Variants in DTNA observed in about 807,000 individuals in gnomAD.
The protein encoded by DTNA is dystrophin-related protein 3.
DTNA carries 43 observed loss-of-function variants against 100.7 expected under a neutral mutation model. That is an observed-to-expected ratio of 0.43 (90% CI 0.33 to 0.55). The LOEUF is 0.55. Among genes scored for constraint, DTNA ranks in the 20% least tolerant of loss-of-function variants. The pLI is 0.04. For missense variants in DTNA, 798 were observed against 953.9 expected (o/e 0.84, Z 2.15); for synonymous variants, 349 against 347.9 (o/e 1.00, Z -0.04).
chr18:34,848,299 G>GCTTGAGAGT lies in DTNA; in HGVS notation c.1351_1359dup (p.Leu451_Ser453dup), dbSNP rs2036268882. The stretch of plus-strand genomic sequence containing the variant: ...CTTCTTGCTTTGTTCTTAATAGCAT[G>GCTTGAGAGT]CTTGAGAGTTCAAACCGGCTTGATG... On this transcript the variant is annotated inframe_insertion, in exon 14 of 23. Coordinates refer to ENST00000444659, the MANE Select transcript of DTNA (RefSeq NM_001386795.1). The GCTTGAGAGT allele has an allele frequency of 6.2e-7, 1 of 1,613,848 alleles. No homozygotes were observed.
intron 1 of DTNA, among the ~76,000 whole-genome samples, chr18:34,738,731 T>A (rs1480429): frequency 2.6e-5 from 4 of 151,954 alleles, no homozygotes; most frequent in African/African-American, 7.3e-5. Context: ...AATGCCAGTC[T>A]GCTTAGTCAT....
chr18:34,690,237 C>T (rs375908031), intron 1 of DTNA, among the ~76,000 whole-genome samples: 16 of 152,276 alleles, frequency 1.1e-4, no homozygotes, highest in African/African-American at 2.6e-4. Context: ...CCCAAATGGC[C>T]GCCTCATTTT....
At chr18:34,811,758 A>G (rs778126449) in intron 5 of DTNA, among the ~76,000 whole-genome samples, 5 of 152,216 alleles carry the variant, frequency 3.3e-5, no homozygotes, top group Admixed American at 6.5e-5. Flanking sequence ...TGTGATTGCT[A>G]TGTGCCAGAA....
At chr18:34,503,281 T>A (rs1751871426) in intron 1 of DTNA, among the ~76,000 whole-genome samples, 3 of 21,000 alleles carry the variant, frequency 1.4e-4, no homozygotes, top group South Asian at 1.9e-3. Flanking sequence ...ATTGGCTCAT[T>A]TTTTTTTTTT....
At chr18:34,821,524 G>A in intron 9 of DTNA, 1 of 456,408 alleles carries the variant, frequency 2.2e-6, no homozygotes, top group Non-Finnish European at 4.4e-6. Context: ...AGTCCTTCCA[G>A]CCATCCCTGC....
At chr18:34,692,074 A>G (rs139483275) in intron 1 of DTNA, among the ~76,000 whole-genome samples, 6 of 152,336 alleles carry the variant, frequency 3.9e-5, no homozygotes, top group African/African-American at 1.4e-4. Flanking sequence ...TGAATTTTTC[A>G]TCAGAGACAA....
chr18:34,888,522 G>C lies in DTNA; in HGVS notation c.*788G>C. On this transcript the variant is annotated 3_prime_UTR_variant, in exon 23 of 23. Transcript: ENST00000444659. ...ACTCTAATCAGCCATAGAATTTAGT[G>C]TAAATATTTTTTTTTCCAAATAGAT... 1 of 985,666 alleles carries C rather than the reference G, an allele frequency of 1.0e-6. No individual in the cohort carries two copies. The highest frequency in any genetic ancestry group is 1.2e-6 in the Non-Finnish European group (1 of 829,848). 61.1% of individuals were successfully genotyped at this position (985,666 alleles called of 1,614,324 possible).
chr18:34,777,929 A>G (rs1399023446), intron 3 of DTNA, among the ~76,000 whole-genome samples: 1 of 152,122 alleles, frequency 6.6e-6, no homozygotes, highest in Non-Finnish European at 1.5e-5. Flanking sequence ...CTGAACTTTG[A>G]CTTTTCTTGC....
intron 4 of DTNA, among the ~76,000 whole-genome samples, chr18:34,801,031 T>A (rs1358358709): frequency 6.6e-6 from 1 of 152,200 alleles, no homozygotes; most frequent in East Asian, 1.9e-4. Flanking sequence ...AATTCAAATT[T>A]TTAACATAAA....
At chr18:34,621,233 AT>A (rs2056445164) in intron 1 of DTNA, among the ~76,000 whole-genome samples, 1 of 148,436 alleles carries the variant, frequency 6.7e-6, no homozygotes, top group Admixed American at 6.8e-5. Flanking sequence ...CATATATATG[AT>A]ATATATATAT....
intron 11 of DTNA, among the ~76,000 whole-genome samples, chr18:34,837,804 G>A (rs545935366): frequency 1.3e-5 from 2 of 152,262 alleles, no homozygotes; most frequent in East Asian, 3.9e-4. Flanking sequence ...GATAAATGTT[G>A]AATGAATTTT....
At position 34,500,427 on chromosome 18, in the gene DTNA, GTGTGTGTGTGTA is replaced by G. The variant is rs2039770837; in HGVS notation, c.-2+6927_-2+6938del. On this transcript the variant is annotated intron_variant, in intron 1 of 19. Transcript: ENST00000283365. ...TCCTGAACTCACTTATTAATTCTAT[GTGTGTGTGTGTA>G]TGTGTGTGTGTATATAGTTGTTGTT... is the stretch of plus-strand genomic sequence containing the variant. 2.0e-5 allele frequency among the ~76,000 whole-genome samples: 3 copies of G among 149,456 alleles called. No homozygotes were observed. The South Asian group carries it at 6.4e-4, about 32-fold the overall frequency.
chr18:34,532,447 A>T (rs1251214738), intron 1 of DTNA, among the ~76,000 whole-genome samples: 1 of 152,088 alleles, frequency 6.6e-6, no homozygotes, highest in African/African-American at 2.4e-5. Flanking sequence ...CTCAGTTGAG[A>T]TCATTCTATG....
intron 1 of DTNA, among the ~76,000 whole-genome samples, chr18:34,530,115 T>G (rs2043003852): frequency 6.6e-6 from 1 of 152,088 alleles, no homozygotes; most frequent in Admixed American, 6.6e-5. Context: ...CATTTTGTAC[T>G]CCTGCTCATA....
At chr18:34,735,770 C>T (rs1350299464) in intron 1 of DTNA, among the ~76,000 whole-genome samples, 2 of 152,100 alleles carry the variant, frequency 1.3e-5, no homozygotes, top group South Asian at 2.1e-4. Flanking sequence ...GTTTGCTACA[C>T]CTATCAACTC....
chr18:34,804,788 C>A (rs928691891), intron 4 of DTNA, among the ~76,000 whole-genome samples: 4 of 152,038 alleles, frequency 2.6e-5, no homozygotes, highest in African/African-American at 9.7e-5. Context: ...AAATCTGGTG[C>A]TGAGGCTTAG....
At chr18:34,651,977 G>A (rs1324276778) in intron 1 of DTNA, among the ~76,000 whole-genome samples, 2 of 151,952 alleles carry the variant, frequency 1.3e-5, no homozygotes, top group Non-Finnish European at 2.9e-5. Flanking sequence ...GAGGTGACAG[G>A]ATCACTTGAG....
At chr18:34,573,739 C>T (rs181124535) in intron 1 of DTNA, among the ~76,000 whole-genome samples, 1 of 152,154 alleles carries the variant, frequency 6.6e-6, no homozygotes, top group East Asian at 1.9e-4. Context: ...TTGTGATTTT[C>T]AAAATATCAT....
intron 1 of DTNA, among the ~76,000 whole-genome samples, chr18:34,591,930 A>G (rs963016690): frequency 1.3e-5 from 2 of 152,242 alleles, no homozygotes; most frequent in African/African-American, 4.8e-5. Context: ...TGGTTTCTTA[A>G]GATGGTATTG....
Sources: allele counts gnomAD v4.1 joint callset (sites outside exome capture counted in the v4.1 genomes callset), GRCh38; gene constraint gnomAD v4.1.1; transcripts MANE v1.5; gene names NCBI Gene and HGNC (gene_info 2026-07-23, HGNC 2026-07-21).